TPST2: variants seen among roughly 807,000 people sequenced by gnomAD.
The protein encoded by TPST2 is tyrosylprotein sulfotransferase 2, also known as protein-tyrosine sulfotransferase 2.
TPST2 carries 16 observed loss-of-function variants against 27.8 expected under a neutral mutation model. The observed-to-expected ratio is 0.58, with a 90% CI of 0.39 to 0.88. The LOEUF (loss-of-function observed/expected upper bound fraction) is 0.88. Ranked by LOEUF, TPST2 falls within the 40% of genes least tolerant of loss-of-function variation. TPST2 has a pLI of 0.00. For synonymous variants in TPST2, 229 were observed against 231.7 expected, an observed-to-expected ratio of 0.99 and a Z score of 0.10; for missense variants, 464 against 543.1, an observed-to-expected ratio of 0.85 and a Z score of 1.45.
chr22:26,545,924 A>G lies in TPST2; in HGVS notation c.-160-1249T>C, dbSNP rs1283813897. ...GGGAGACCCAGTCTCTACAAAAAATAAAAAGTTATCCAGGTGATGGTACCT... is the reference window on the plus strand; with the variant it reads ...GGGAGACCCAGTCTCTACAAAAAATGAAAAGTTATCCAGGTGATGGTACCT... On this transcript the variant is annotated intron_variant, in intron 1 of 6. Transcript: ENST00000338754. Among the ~76,000 whole-genome samples the G allele has an allele frequency of 3.3e-5, 5 of 152,174 alleles. No homozygotes were observed. In the South Asian group the frequency reaches 1.0e-3, roughly 32 times the overall value.
intron 4 of TPST2, chr22:26,535,998 A>G: frequency 2.0e-6 from 1 of 506,218 alleles, no homozygotes; most frequent in Non-Finnish European, 3.8e-6. Flanking sequence ...AAATAGGGGT[A>G]AAAATGTAAA....
At position 26,540,882 on chromosome 22, in the gene TPST2, T is replaced by G; in HGVS notation, c.749A>C (p.Lys250Thr). 1 of 1,614,132 alleles carries G rather than the reference T, an allele frequency of 6.2e-7. No homozygotes were observed. Among genetic ancestry groups the G allele is most frequent in the Non-Finnish European group, 8.5e-7 (1 of 1,180,020 alleles). ...QLVLHPRRSLKLILDFLGIAW... is the reference protein window; with the variant it reads ...QLVLHPRRSLTLILDFLGIAW... The stretch of plus-strand genomic sequence containing the variant: ...GATGCCGAGGAAGTCGAGGATGAGC[T>G]TGAGTGAGCGCCTGGGGTGCAGCAC... The change falls in exon 3 of 7, where the codon AAG (lysine) becomes ACG (threonine). Residue 250 changes from lysine to threonine, a missense_variant. Lys to Thr is a moderately conservative substitution (Grantham distance 78, BLOSUM62 -1). Transcript: ENST00000338754.
intron 1 of TPST2, chr22:26,560,854 G>A (rs1311702504): frequency 2.6e-5 from 42 of 1,589,136 alleles, no homozygotes; most frequent in African/African-American, 4.0e-5. Flanking sequence ...TCTGCGTATC[G>A]CCCAAAAATC....
At chr22:26,546,280 G>C (rs980157325) in intron 1 of TPST2, among the ~76,000 whole-genome samples, 2 of 152,128 alleles carry the variant, frequency 1.3e-5, no homozygotes, top group African/African-American at 4.8e-5. Flanking sequence ...GAACCAAGGT[G>C]TAACCACAGC....
At chr22:26,552,920 C>T (rs531730716) in intron 1 of TPST2, among the ~76,000 whole-genome samples, 1 of 152,030 alleles carries the variant, frequency 6.6e-6, no homozygotes, top group South Asian at 2.1e-4. Context: ...ATTAGCCGCG[C>T]ATGGTGGCGG....
chr22:26,542,060 G>A (rs1040627002), intron 2 of TPST2, among the ~76,000 whole-genome samples: 6 of 151,646 alleles, frequency 4.0e-5, no homozygotes, highest in Middle Eastern at 3.4e-3. Flanking sequence ...TGGCTAACAC[G>A]GTGATATCCC....
chr22:26,550,214 C>A (rs985239760), intron 1 of TPST2, among the ~76,000 whole-genome samples: 2 of 152,016 alleles, frequency 1.3e-5, no homozygotes, highest in African/African-American at 2.4e-5. Flanking sequence ...GTACCATGTG[C>A]GGGGCCCTGC....
In TPST2 at chr22:26,541,377, C is replaced by T. The variant is rs914288696; in HGVS notation, c.254G>A (p.Arg85His). ...CTCGGGGTGCGCGTCCAGCATGGCGCGCATCAACGTGGTGCCACTGCGAGG... is the reference window on the plus strand; with the variant it reads ...CTCGGGGTGCGCGTCCAGCATGGCGTGCATCAACGTGGTGCCACTGCGAGG... ...GVPRSGTTLM[R>H]AMLDAHPEVR... Residue 85 changes from arginine to histidine, a missense_variant, in exon 3 of 7, where the codon CGC (arginine) becomes CAC (histidine). Transcript: ENST00000338754. This position sits in a 1 kb window ranked among gnomAD's most constrained non-coding sequence, Gnocchi z 5.9. 2.2e-5 allele frequency: 35 copies of T among 1,557,566 alleles called. No homozygotes were observed. The highest frequency in any genetic ancestry group is 3.0e-5 in the Non-Finnish European group (34 of 1,151,030).
chr22:26,567,712 T>C (rs1056177022), intron 1 of TPST2, among the ~76,000 whole-genome samples: 1 of 152,040 alleles, frequency 6.6e-6, no homozygotes, highest in African/African-American at 2.4e-5. Flanking sequence ...TTCTGTGAAA[T>C]CAATTTAAAA....
In TPST2 at chr22:26,541,666, C is replaced by G; in HGVS notation, c.-36G>C. On this transcript the variant is annotated 5_prime_UTR_variant, in exon 3 of 7. Transcript: ENST00000338754. The surrounding 1 kb of genome is among the most constrained non-coding windows in gnomAD (Gnocchi z 5.9). The stretch of plus-strand genomic sequence containing the variant: ...AGGCAGGGTAGGCCTGGCCTGAGGG[C>G]CCGCTTCTGGGGCTTCAGCGACAGG... 6.6e-7 allele frequency: 1 copy of G among 1,521,778 alleles called. No homozygotes were observed. Among genetic ancestry groups the G allele is most frequent in the Non-Finnish European group, 8.8e-7 (1 of 1,141,750 alleles). The allele number at this position is 1,521,778 out of a possible 1,614,324, so 94.3% of individuals were successfully genotyped here. A position where few individuals can be genotyped will look rare whatever the true frequency, so the allele number is the denominator to read the frequency against.
chr22:26,554,314 C>G (rs1926659285), intron 1 of TPST2, among the ~76,000 whole-genome samples: 1 of 152,200 alleles, frequency 6.6e-6, no homozygotes, highest in Non-Finnish European at 1.5e-5. Context: ...TTGCCCCTGA[C>G]ACCTGGCACA....
In TPST2 at chr22:26,522,937, T is replaced by G. The variant is rs576869921; in HGVS notation, c.*3338A>C. 6 of 152,430 alleles carry G rather than the reference T, an allele frequency of 3.9e-5. No homozygotes were observed. Among genetic ancestry groups the G allele is most frequent in the African/African-American group, 1.4e-4 (6 of 41,580 alleles). The allele number at this position is 152,430 out of a possible 1,614,324, so 9.4% of individuals were successfully genotyped here. A position where few individuals can be genotyped will look rare whatever the true frequency, so the allele number is the denominator to read the frequency against. The stretch of plus-strand genomic sequence containing the variant: ...CAAAAAATAAAAAGTTAGGTAGGTG[T>G]CATGGTCCAGCTACTCAGGAGGCTG... On this transcript the variant is annotated 3_prime_UTR_variant, in exon 7 of 7. Coordinates refer to ENST00000338754, the MANE Select transcript of TPST2 (RefSeq NM_003595.5).
intron 1 of TPST2, among the ~76,000 whole-genome samples, chr22:26,548,057 A>T (rs1262335245): frequency 6.6e-6 from 1 of 152,180 alleles, no homozygotes; most frequent in African/African-American, 2.4e-5. Context: ...CCTCTCTGAG[A>T]CTTGGTTTTC....
intron 2 of TPST2, among the ~76,000 whole-genome samples, chr22:26,543,825 G>A (rs1047728104): frequency 3.3e-5 from 5 of 152,298 alleles, no homozygotes; most frequent in South Asian, 2.1e-4. Flanking sequence ...TGACCTGCAC[G>A]ATGGCTTAAG....
At chr22:26,539,603 G>GA (rs975535326) in intron 3 of TPST2, among the ~76,000 whole-genome samples, 3,425 of 137,678 alleles carry the variant, frequency 0.025, 135 homozygotes, top group African/African-American at 0.083. Flanking sequence ...TCTCTACTAG[G>GA]AAAAAAAAAA....
At chr22:26,553,167 A>T (rs2877325) in intron 1 of TPST2, among the ~76,000 whole-genome samples, 6 of 151,456 alleles carry the variant, frequency 4.0e-5, no homozygotes, top group African/African-American at 1.5e-4. Context: ...GGTGGAAGCC[A>T]GTTTTGGTTC....
chr22:26,550,342 T>A (rs1044484483), intron 1 of TPST2, among the ~76,000 whole-genome samples: 2 of 152,054 alleles, frequency 1.3e-5, no homozygotes, highest in African/African-American at 4.8e-5. Context: ...TGATAAAGGC[T>A]CAGAAGCAAA....
At chr22:26,565,053 G>A (rs1427039181) in intron 1 of TPST2, among the ~76,000 whole-genome samples, 2 of 152,170 alleles carry the variant, frequency 1.3e-5, no homozygotes, top group African/African-American at 4.8e-5. Flanking sequence ...ACCCAGCCCA[G>A]GAAGACCTGT....
At chr22:26,574,112 A>G (rs1013371146) in intron 1 of TPST2, among the ~76,000 whole-genome samples, 2 of 152,074 alleles carry the variant, frequency 1.3e-5, no homozygotes, top group Non-Finnish European at 2.9e-5. Flanking sequence ...GGTTTTATGG[A>G]AAGTATTTCC....
Sources: allele counts gnomAD v4.1 joint callset (sites outside exome capture counted in the v4.1 genomes callset), GRCh38; gene constraint gnomAD v4.1.1; non-coding constraint Gnocchi (gnomAD v3.1); transcripts MANE v1.5; gene names NCBI Gene and HGNC (gene_info 2026-07-23, HGNC 2026-07-21).